DLGAP1: variants seen among roughly 807,000 people sequenced by gnomAD.
DLGAP1 encodes disks large-associated protein 1.
In DLGAP1, 11 loss-of-function variants were observed where a neutral mutation model predicts 90.8. The observed-to-expected ratio is 0.12, with a 90% CI of 0.08 to 0.20. The LOEUF (loss-of-function observed/expected upper bound fraction) is 0.20, where lower values mean the gene tolerates loss of function less well. Among genes scored for constraint, DLGAP1 ranks in the 10% least tolerant of loss-of-function variants. The pLI is 1.00. For synonymous variants in DLGAP1, 558 were observed against 540.7 expected (o/e 1.03, Z -0.44); for missense variants, 1,050 against 1,333.8 (o/e 0.79, Z 3.31).
intron 2 of DLGAP1, among the ~76,000 whole-genome samples, chr18:4,073,282 T>A (rs1245820321): frequency 1.3e-5 from 2 of 152,124 alleles, no homozygotes; most frequent in Non-Finnish European, 2.9e-5. Context: ...GCTTCGTAAA[T>A]CCCAGTTTCT....
At chr18:4,034,044 T>TC (rs1315991775) in intron 2 of DLGAP1, among the ~76,000 whole-genome samples, 20 of 147,458 alleles carry the variant, frequency 1.4e-4, no homozygotes, top group Non-Finnish European at 1.8e-4. Flanking sequence ...GCCCTTTTTT[T>TC]TTTTTTTTTT....
intron 7 of DLGAP1, among the ~76,000 whole-genome samples, chr18:3,638,738 A>AT (rs2058814826): frequency 6.6e-6 from 1 of 152,230 alleles, no homozygotes; most frequent in Non-Finnish European, 1.5e-5. Flanking sequence ...TTCTTGAGGC[A>AT]TTATGTGCTT....
chr18:3,689,280 A>G (rs1178655152), intron 7 of DLGAP1, among the ~76,000 whole-genome samples: 3 of 152,194 alleles, frequency 2.0e-5, no homozygotes, highest in Non-Finnish European at 4.4e-5. Context: ...GCTGACCTCA[A>G]ACAACAAACC....
At chr18:4,412,951 T>A (rs2082811277) in intron 1 of DLGAP1, among the ~76,000 whole-genome samples, 1 of 152,146 alleles carries the variant, frequency 6.6e-6, no homozygotes, top group Non-Finnish European at 1.5e-5. Context: ...TGATGGCAGA[T>A]CGGAGGGGAT....
chr18:3,897,292 G>A (rs1450499880), intron 3 of DLGAP1, among the ~76,000 whole-genome samples: 1 of 152,178 alleles, frequency 6.6e-6, no homozygotes, highest in Non-Finnish European at 1.5e-5. Context: ...CCACTACCAA[G>A]ACCTGTAGAT....
At chr18:3,823,196 A>G (rs2067518115) in intron 4 of DLGAP1, among the ~76,000 whole-genome samples, 1 of 152,196 alleles carries the variant, frequency 6.6e-6, no homozygotes, top group African/African-American at 2.4e-5. Context: ...TAGGACAATC[A>G]GCAAATCACA....
chr18:3,500,270 T>C (rs560374011), intron 12 of DLGAP1, among the ~76,000 whole-genome samples: 216 of 151,868 alleles, frequency 1.4e-3, no homozygotes, highest in Non-Finnish European at 2.5e-3. Flanking sequence ...TCTTTGGCAT[T>C]AAAAAAAATG....
At chr18:4,132,047 T>A (rs1374690277) in intron 2 of DLGAP1, among the ~76,000 whole-genome samples, 1 of 152,146 alleles carries the variant, frequency 6.6e-6, no homozygotes, top group Non-Finnish European at 1.5e-5. Flanking sequence ...TGGCTTAACA[T>A]TTTTGTAAAT....
chr18:4,355,221 A>C (rs193075804), intron 1 of DLGAP1, among the ~76,000 whole-genome samples: 1 of 152,348 alleles, frequency 6.6e-6, no homozygotes, highest in East Asian at 1.9e-4. Flanking sequence ...AACTGGAACC[A>C]GTCCAGGTGT....
At chr18:3,597,060 T>G (rs2056620439) in intron 7 of DLGAP1, 1 of 519,992 alleles carries the variant, frequency 1.9e-6, no homozygotes, top group South Asian at 1.4e-5. Context: ...GCAGCTGTTT[T>G]TCTTCTTCAT....
At chr18:4,258,023 G>GCGTATA (rs1491582902) in intron 1 of DLGAP1, among the ~76,000 whole-genome samples, 243 of 149,766 alleles carry the variant, frequency 1.6e-3, no homozygotes, top group African/African-American at 5.9e-3. Flanking sequence ...GCGCGCGCGC[G>GCGTATA]TATAACCTAT....
At chr18:4,128,325 A>G (rs1037368344) in intron 2 of DLGAP1, among the ~76,000 whole-genome samples, 6 of 152,130 alleles carry the variant, frequency 3.9e-5, no homozygotes, top group Middle Eastern at 3.4e-3. Flanking sequence ...TACCGGGGGG[A>G]TGTGAGTAGG....
chr18:3,653,549 C>A lies in DLGAP1; in HGVS notation c.1592-71301G>T. The A allele has an allele frequency of 6.6e-6, 1 of 152,260 alleles. No individual in the cohort carries two copies. Among genetic ancestry groups the A allele is most frequent in the East Asian group, 1.9e-4 (1 of 5,170 alleles). The allele number at this position is 152,260 out of a possible 1,614,324, so 9.4% of individuals were successfully genotyped here. On this transcript the variant is annotated intron_variant, in intron 7 of 12. Transcript: ENST00000315677. The surrounding 1 kb of genome is among the most constrained non-coding windows in gnomAD (Gnocchi z 4.6). Reference sequence around the variant, plus strand: ...GCTGATTTAAAAAGCTGCTATGAAGCTGCACAGTGCGGAAGAGGGCACCCC... The same window carrying A: ...GCTGATTTAAAAAGCTGCTATGAAGATGCACAGTGCGGAAGAGGGCACCCC...
In DLGAP1 at chr18:4,253,702, G is replaced by A. The variant is rs74394271; in HGVS notation, c.-266-102415C>T. On this transcript the variant is annotated intron_variant, in intron 1 of 12. Coordinates refer to ENST00000315677, the MANE Select transcript of DLGAP1 (RefSeq NM_004746.4). ...TGGGATTATAGGCGTGAGTCACTGTGCCTGGCAGAACTATTATTATCAAGA... is the reference window on the plus strand; with the variant it reads ...TGGGATTATAGGCGTGAGTCACTGTACCTGGCAGAACTATTATTATCAAGA... Among the ~76,000 whole-genome samples, 627 of 152,262 alleles carry A rather than the reference G, an allele frequency of 4.1e-3. 7 individuals are homozygous for A. Among genetic ancestry groups the A allele is most frequent in the African/African-American group, 0.015 (603 of 41,548 alleles).
intron 1 of DLGAP1, among the ~76,000 whole-genome samples, chr18:4,439,090 C>T (rs958122778): frequency 6.6e-5 from 10 of 152,218 alleles, no homozygotes; most frequent in Non-Finnish European, 1.5e-4. Flanking sequence ...AAAGGAGAGA[C>T]TGACCTGCTG....
At chr18:3,816,296 T>C (rs915281874) in intron 4 of DLGAP1, among the ~76,000 whole-genome samples, 1 of 152,218 alleles carries the variant, frequency 6.6e-6, no homozygotes, top group Admixed American at 6.5e-5. Context: ...TATGTCACTT[T>C]GAAACCTAAA....
chr18:3,975,019 G>A (rs2073540597), intron 3 of DLGAP1, among the ~76,000 whole-genome samples: 1 of 152,102 alleles, frequency 6.6e-6, no homozygotes, highest in African/African-American at 2.4e-5. Context: ...GATTGCCAGG[G>A]GCTGGGCAAG....
At chr18:3,991,531 G>A (rs1160362066) in intron 3 of DLGAP1, among the ~76,000 whole-genome samples, 12 of 152,308 alleles carry the variant, frequency 7.9e-5, no homozygotes, top group Non-Finnish European at 1.3e-4. Flanking sequence ...TGGCCAGTGT[G>A]CCTGGATGAC....
intron 5 of DLGAP1, among the ~76,000 whole-genome samples, chr18:3,746,254 C>T (rs1157431665): frequency 1.3e-5 from 2 of 151,800 alleles, no homozygotes; most frequent in African/African-American, 2.4e-5. Context: ...TAAAGTTCTC[C>T]AATACAATAT....
Sources: allele counts gnomAD v4.1 joint callset (sites outside exome capture counted in the v4.1 genomes callset), GRCh38; gene constraint gnomAD v4.1.1; non-coding constraint Gnocchi (gnomAD v3.1); transcripts MANE v1.5; gene names NCBI Gene and HGNC (gene_info 2026-07-23, HGNC 2026-07-21).